The following SPOCK3 variants were observed in gnomAD, a reference collection of about 807,000 sequenced individuals.
SPOCK3 encodes the protein SPARC (osteonectin), cwcv and kazal like domains proteoglycan 3.
Under a neutral mutation model 56.6 loss-of-function variants are expected in SPOCK3, and 30 were observed. The observed-to-expected ratio is 0.53, with a 90% CI of 0.40 to 0.72. The LOEUF (loss-of-function observed/expected upper bound fraction) is 0.72, where lower values mean the gene tolerates loss of function less well. Ranked by LOEUF, SPOCK3 falls within the 30% of genes least tolerant of loss-of-function variation. The pLI is 0.00. For synonymous variants in SPOCK3, 196 were observed against 183.3 expected (o/e 1.07, Z -0.56); for missense variants, 527 against 530.0 (o/e 0.99, Z 0.06).
intron 4 of SPOCK3, among the ~76,000 whole-genome samples, chr4:166,931,881 T>A (rs183582104): frequency 9.1e-4 from 139 of 152,320 alleles, no homozygotes; most frequent in African/African-American, 3.1e-3. Context: ...CCCTCTCCAT[T>A]ACTATTGGAC....
chr4:167,085,448 T>C (rs1489765791), intron 2 of SPOCK3, among the ~76,000 whole-genome samples: 1 of 152,128 alleles, frequency 6.6e-6, no homozygotes, highest in African/African-American at 2.4e-5. Flanking sequence ...TCCATGACCA[T>C]TTTTAAGAGG....
At chr4:166,851,861 G>A (rs1328257907) in intron 6 of SPOCK3, among the ~76,000 whole-genome samples, 5 of 151,640 alleles carry the variant, frequency 3.3e-5, no homozygotes, top group Admixed American at 1.3e-4. Context: ...TGTTTATTGC[G>A]GCATTATTCA....
At position 167,163,208 on chromosome 4, in the gene SPOCK3, C is replaced by T. The variant is rs1765476170; in HGVS notation, c.189+70777G>A. Among the ~76,000 whole-genome samples, 9 of 138,138 alleles carry T rather than the reference C, an allele frequency of 6.5e-5. No homozygotes were observed. In the South Asian group the frequency reaches 2.0e-3, roughly 31 times the overall value. The allele number at this position is 138,138 out of a possible 152,430, so 90.6% of individuals were successfully genotyped here. On this transcript the variant is annotated intron_variant, in intron 2 of 10. Coordinates refer to ENST00000357545, the MANE Select transcript of SPOCK3 (RefSeq NM_001040159.2). ...TTGCCAAACCTAAATTTTAGGTAAT[C>T]CTCATCATGTTAAATATGAGAAAAT...
At chr4:167,207,591 A>G (rs1734474634) in intron 2 of SPOCK3, among the ~76,000 whole-genome samples, 1 of 152,154 alleles carries the variant, frequency 6.6e-6, no homozygotes, top group Admixed American at 6.6e-5. Flanking sequence ...CAAACCCACC[A>G]TCTGTAGCCC....
intron 2 of SPOCK3, among the ~76,000 whole-genome samples, chr4:167,093,386 G>C (rs1236388423): frequency 6.6e-6 from 1 of 152,030 alleles, no homozygotes; most frequent in East Asian, 1.9e-4. Context: ...GTGGCTTGCT[G>C]TACCCATCAA....
chr4:166,962,038 C>T (rs911791223), intron 4 of SPOCK3, among the ~76,000 whole-genome samples: 1 of 152,038 alleles, frequency 6.6e-6, no homozygotes, highest in Non-Finnish European at 1.5e-5. Context: ...CCCTGCTGTC[C>T]CCCTTCCTTC....
intron 3 of SPOCK3, among the ~76,000 whole-genome samples, chr4:167,058,318 C>T (rs1157002781): frequency 2.0e-5 from 3 of 152,130 alleles, no homozygotes; most frequent in Non-Finnish European, 4.4e-5. Context: ...GATACAAAAT[C>T]AATGTACAAA....
intron 8 of SPOCK3, among the ~76,000 whole-genome samples, chr4:166,744,586 G>A (rs935917435): frequency 5.3e-5 from 8 of 152,128 alleles, no homozygotes; most frequent in African/African-American, 4.8e-5. Flanking sequence ...CTCCTCCAAA[G>A]GAACGCAGCT....
chr4:167,090,024 G>A (rs561897855), intron 2 of SPOCK3, among the ~76,000 whole-genome samples: 8 of 152,072 alleles, frequency 5.3e-5, no homozygotes, highest in Middle Eastern at 3.4e-3. Flanking sequence ...GTATCCTTTC[G>A]GCAGCTGCAC....
At chr4:166,828,792 A>G (rs2126786931) in intron 6 of SPOCK3, among the ~76,000 whole-genome samples, 1 of 152,170 alleles carries the variant, frequency 6.6e-6, no homozygotes, top group South Asian at 2.1e-4. Context: ...TACAAATGTT[A>G]CATTTCAATG....
At chr4:167,055,105 A>G (rs538128780) in intron 3 of SPOCK3, among the ~76,000 whole-genome samples, 1 of 152,174 alleles carries the variant, frequency 6.6e-6, no homozygotes, top group African/African-American at 2.4e-5. Context: ...TAAAAATATA[A>G]TGACAATGTA....
chr4:166,942,972 T>C (rs994596445), intron 4 of SPOCK3, among the ~76,000 whole-genome samples: 2 of 152,198 alleles, frequency 1.3e-5, no homozygotes, highest in African/African-American at 4.8e-5. Flanking sequence ...TGTGCATATA[T>C]TCTGTCTTTT....
intron 3 of SPOCK3, among the ~76,000 whole-genome samples, chr4:167,050,187 A>C (rs1754066652): frequency 6.6e-6 from 1 of 152,168 alleles, no homozygotes; most frequent in South Asian, 2.1e-4. Context: ...TGAATAGGTT[A>C]GTTAAAATTC....
intron 6 of SPOCK3, among the ~76,000 whole-genome samples, chr4:166,856,512 ACAGCTGTAATCC>A: frequency 6.6e-6 from 1 of 152,288 alleles, no homozygotes; most frequent in East Asian, 1.9e-4. Context: ...ACGGTGGCTC[ACAGCTGTAATCC>A]CAGTACTTTG....
chr4:166,979,445 C>A (rs1283410819), intron 4 of SPOCK3, among the ~76,000 whole-genome samples: 2 of 152,130 alleles, frequency 1.3e-5, no homozygotes, highest in Non-Finnish European at 2.9e-5. Context: ...TCCCCAAAAT[C>A]TAATTTCTAA....
At chr4:166,778,419 C>G (rs1739806813) in intron 7 of SPOCK3, among the ~76,000 whole-genome samples, 1 of 152,112 alleles carries the variant, frequency 6.6e-6, no homozygotes. Flanking sequence ...ATGTGCATTT[C>G]AAAACCTATT....
At chr4:166,857,051 C>T (rs1730764979) in intron 6 of SPOCK3, among the ~76,000 whole-genome samples, 2 of 152,114 alleles carry the variant, frequency 1.3e-5, no homozygotes, top group Admixed American at 1.3e-4. Context: ...CACATCTAGG[C>T]AGGATTCAAG....
rs1385251306 is a variant in SPOCK3, at chr4:167,234,163, A to G, written c.11T>C (p.Val4Ala). The G allele has an allele frequency of 6.2e-7, 1 of 1,610,384 alleles. No homozygotes were observed. The highest frequency in any genetic ancestry group is 8.5e-7 in the Non-Finnish European group (1 of 1,177,868). MLK[V>A]SAVLCVCAAA... ...TGCACACACACACAGTACGGCTGAC[A>G]CCTTGAGCATCTGGGAGAGGAGACA... is the stretch of plus-strand genomic sequence containing the variant. The change falls in exon 2 of 11, where the codon GTG becomes GCG. Residue 4 changes from valine (V) to alanine (A), a missense_variant. By Grantham distance (64) the Val-to-Ala change is moderately conservative. Coordinates refer to ENST00000357545, the MANE Select transcript of SPOCK3 (RefSeq NM_001040159.2).
chr4:166,770,966 C>A (rs965354407), intron 7 of SPOCK3, among the ~76,000 whole-genome samples: 1 of 150,692 alleles, frequency 6.6e-6, no homozygotes, highest in Non-Finnish European at 1.5e-5. Flanking sequence ...TTATGTCTAT[C>A]GATCTTGTTT....
Sources: allele counts gnomAD v4.1 joint callset (sites outside exome capture counted in the v4.1 genomes callset), GRCh38; gene constraint gnomAD v4.1.1; transcripts MANE v1.5; gene names NCBI Gene and HGNC (gene_info 2026-07-23, HGNC 2026-07-21).